The following CDH18 variants were observed in gnomAD, a reference collection of about 807,000 sequenced individuals.
CDH18 encodes cadherin 18, also known as cadherin-18.
CDH18 carries 31 observed loss-of-function variants against 67.9 expected under a neutral mutation model. The ratio of observed to expected loss-of-function variants is 0.46; its 90% CI spans 0.34 to 0.62. The LOEUF (loss-of-function observed/expected upper bound fraction) is 0.62. CDH18 is among the 20% of genes least tolerant of loss of function. The pLI is 0.01. For synonymous variants in CDH18, 362 were observed against 347.2 expected (o/e 1.04, Z -0.48); for missense variants, 890 against 975.5 (o/e 0.91, Z 1.17).
intron 2 of CDH18, among the ~76,000 whole-genome samples, chr5:20,224,827 A>G (rs1189239373): frequency 6.6e-6 from 1 of 152,150 alleles, no homozygotes; most frequent in Non-Finnish European, 1.5e-5. Flanking sequence ...AGCATATACC[A>G]GAAAATTGAC....
At chr5:19,770,526 G>C (rs1773612681) in intron 3 of CDH18, among the ~76,000 whole-genome samples, 1 of 151,924 alleles carries the variant, frequency 6.6e-6, no homozygotes, top group Admixed American at 6.6e-5. Flanking sequence ...CAGAAACAAA[G>C]AGATTATTCT....
At position 19,617,469 on chromosome 5, in the gene CDH18, C is replaced by T. The variant is rs1171243820; in HGVS notation, c.644-4868G>A. On this transcript the variant is annotated intron_variant, in intron 5 of 12. Coordinates refer to ENST00000382275, the MANE Select transcript of CDH18 (RefSeq NM_004934.5). ...CTTTCCATTTAGTACATTTTTAAAGCCAAAAATACAGAGCAGCAAAATTAA... is the reference window on the plus strand; with the variant it reads ...CTTTCCATTTAGTACATTTTTAAAGTCAAAAATACAGAGCAGCAAAATTAA... 3.3e-5 allele frequency among the ~76,000 whole-genome samples: 5 copies of T among 152,058 alleles called. No individual in the cohort carries two copies. The East Asian group carries it at 9.7e-4, about 29-fold the overall frequency.
intron 1 of CDH18, among the ~76,000 whole-genome samples, chr5:20,275,786 C>A (rs1745765312): frequency 6.6e-6 from 1 of 152,146 alleles, no homozygotes; most frequent in Non-Finnish European, 1.5e-5. Context: ...CTGAAACAGG[C>A]TCTGAATGGG....
At chr5:20,403,545 G>A (rs1454610613) in intron 1 of CDH18, among the ~76,000 whole-genome samples, 2 of 152,184 alleles carry the variant, frequency 1.3e-5, no homozygotes, top group African/African-American at 2.4e-5. Flanking sequence ...TCAGGGTTTT[G>A]GGGGTTTATC....
chr5:20,493,194 CA>C (rs1212855145), intron 1 of CDH18, among the ~76,000 whole-genome samples: 1 of 151,016 alleles, frequency 6.6e-6, no homozygotes, highest in African/African-American at 2.4e-5. Context: ...ACTAAAAATA[CA>C]AAAAACTAGC....
chr5:20,519,622 A>G (rs1755602776), intron 1 of CDH18, among the ~76,000 whole-genome samples: 1 of 152,114 alleles, frequency 6.6e-6, no homozygotes, highest in Non-Finnish European at 1.5e-5. Flanking sequence ...AAGTATAATA[A>G]TAATAAAATA....
At chr5:20,463,474 G>A (rs2457029) in intron 1 of CDH18, among the ~76,000 whole-genome samples, 58,284 of 151,918 alleles carry the variant, frequency 0.38, 13,513 homozygotes, top group Non-Finnish European at 0.52. Flanking sequence ...GAGGCCTCAG[G>A]AAACGTACAA....
chr5:19,975,445 G>T (rs1285352449), intron 2 of CDH18, among the ~76,000 whole-genome samples: 1 of 152,098 alleles, frequency 6.6e-6, no homozygotes. Context: ...TTTGTAGGAG[G>T]ATTGTGTACT....
intron 8 of CDH18, among the ~76,000 whole-genome samples, chr5:19,560,902 G>GA: frequency 6.6e-6 from 1 of 152,064 alleles, no homozygotes; most frequent in African/African-American, 2.4e-5. Flanking sequence ...ATAAACAGAT[G>GA]AAAAAAATTC....
intron 2 of CDH18, among the ~76,000 whole-genome samples, chr5:19,863,534 T>A (rs1785126666): frequency 6.6e-6 from 1 of 152,118 alleles, no homozygotes; most frequent in African/African-American, 2.4e-5. Flanking sequence ...GAGAGGACAG[T>A]CATTGCCTCA....
intron 1 of CDH18, among the ~76,000 whole-genome samples, chr5:20,481,236 G>A: frequency 6.7e-6 from 1 of 149,946 alleles, no homozygotes; most frequent in African/African-American, 2.5e-5. Context: ...AAGAGACAAA[G>A]CAGATCATTA....
At chr5:19,763,170 C>G (rs1172078236) in intron 3 of CDH18, among the ~76,000 whole-genome samples, 1 of 152,134 alleles carries the variant, frequency 6.6e-6, no homozygotes, top group East Asian at 1.9e-4. Flanking sequence ...ATGGGTGCAG[C>G]AAACCAACAT....
rs886362035 is a variant in CDH18, at chr5:19,895,083, T to A, written c.-256-55841A>T. On this transcript the variant is annotated intron_variant, in intron 2 of 12. Transcript: ENST00000382275. ...TGAACACTGCTCTATGTAGTAGATA[T>A]TTTGGCCTAAATCTGGATTATGTTC... 4.6e-5 allele frequency among the ~76,000 whole-genome samples: 7 copies of A among 152,230 alleles called. No individual in the cohort carries two copies. In the South Asian group the frequency reaches 1.5e-3, roughly 32 times the overall value.
At chr5:20,213,347 G>A (rs1740504215) in intron 2 of CDH18, among the ~76,000 whole-genome samples, 2 of 152,046 alleles carry the variant, frequency 1.3e-5, no homozygotes, top group African/African-American at 4.8e-5. Context: ...TTGGCATAAA[G>A]TTTTCTTTTT....
chr5:19,741,293 A>G (rs933585070), intron 4 of CDH18, among the ~76,000 whole-genome samples: 21 of 137,404 alleles, frequency 1.5e-4, no homozygotes, highest in Non-Finnish European at 2.5e-4. Context: ...ATATATACAT[A>G]CATATATGTA....
intron 2 of CDH18, among the ~76,000 whole-genome samples, chr5:20,072,257 C>A (rs1413737071): frequency 6.6e-6 from 1 of 152,006 alleles, no homozygotes; most frequent in Non-Finnish European, 1.5e-5. Flanking sequence ...ACCTTCTCTG[C>A]CACATTAAAT....
chr5:19,794,723 C>A (rs775209262), intron 3 of CDH18, among the ~76,000 whole-genome samples: 1 of 151,862 alleles, frequency 6.6e-6, no homozygotes, highest in African/African-American at 2.4e-5. Context: ...GTATAAATCC[C>A]CTTCAGTGAT....
Position 19,483,507 on chromosome 5 carries a change from G to A in CDH18, c.1676C>T (p.Thr559Ile). Residue 559 changes from threonine to isoleucine, a missense_variant, in exon 12 of 13, where the codon ACT becomes ATT. Around this residue, in one of 2 missense-constraint regions of CDH18, gnomAD observed 656 missense variants for 668.1 expected, o/e 0.98. Coordinates refer to ENST00000382275, the MANE Select transcript of CDH18 (RefSeq NM_004934.5). ...GGGCAGATAATACACATCCTGAACA[G>A]TTCGACTAAATCTCCTCCGCCTTGT... ...ILTRRRRFSR[T>I]VQDVYYLPIM... The A allele has an allele frequency of 6.2e-7, 1 of 1,613,740 alleles. No individual in the cohort carries two copies. Among genetic ancestry groups the A allele is most frequent in the Non-Finnish European group, 8.5e-7 (1 of 1,179,844 alleles).
chr5:20,104,625 C>T (rs1202815943), intron 2 of CDH18, among the ~76,000 whole-genome samples: 5 of 152,146 alleles, frequency 3.3e-5, no homozygotes, highest in African/African-American at 1.2e-4. Flanking sequence ...CACCTGTCCA[C>T]GTCTGTCCCT....
Sources: gnomAD v4.1 joint callset for allele counts (sites outside exome capture counted in the v4.1 genomes callset) on GRCh38, gnomAD v4.1.1 for gene constraint, gnomAD v4.1.1 regional missense constraint, MANE v1.5 for transcripts, NCBI Gene and HGNC (gene_info 2026-07-23, HGNC 2026-07-21) for gene names.